Variants in LRRC3B observed in about 807,000 individuals in gnomAD.
LRRC3B encodes leucine rich repeat containing 3B.
Under a neutral mutation model 12.8 loss-of-function variants are expected in LRRC3B, and 2 were observed. That is an observed-to-expected ratio of 0.16 (90% confidence interval 0.06 to 0.49). The LOEUF is 0.49. Ranked by LOEUF, LRRC3B falls within the 20% of genes least tolerant of loss-of-function variation. The pLI is 0.96. For missense variants in LRRC3B, 189 were observed against 319.4 expected, an observed-to-expected ratio of 0.59 and a Z score of 3.11; for synonymous variants, 132 against 122.0, an observed-to-expected ratio of 1.08 and a Z score of -0.54.
intron 1 of LRRC3B, among the ~76,000 whole-genome samples, chr3:26,688,232 G>A (rs575046607): frequency 3.5e-4 from 54 of 152,246 alleles, no homozygotes; most frequent in Middle Eastern, 6.8e-3. Flanking sequence ...TATTTTTCTG[G>A]TCAGCAGAAA....
rs140373723 is a variant in LRRC3B at position 26,668,384 on chromosome 3, A to G, written c.-160-41129A>G. The stretch of plus-strand genomic sequence containing the variant: ...GATTTGGGGGCCATGAAATTGCCCA[A>G]TGGGACAATGGGGGATCCATTGAAG... On this transcript the variant is annotated intron_variant, in intron 1 of 1. Transcript: ENST00000396641. 9.6e-3 allele frequency among the ~76,000 whole-genome samples: 1,469 copies of G among 152,256 alleles called. 26 individuals carry two copies. Among genetic ancestry groups the G allele is most frequent in the South Asian group, 0.034 (163 of 4,824 alleles).
intron 1 of LRRC3B, among the ~76,000 whole-genome samples, chr3:26,669,506 G>A (rs143289439): frequency 6.6e-6 from 1 of 152,112 alleles, no homozygotes; most frequent in African/African-American, 2.4e-5. Context: ...ATAAGGAGAT[G>A]AATATTACCT....
intron 1 of LRRC3B, among the ~76,000 whole-genome samples, chr3:26,656,069 A>G (rs918245332): frequency 6.6e-6 from 1 of 152,042 alleles, no homozygotes; most frequent in African/African-American, 2.4e-5. Context: ...TGTTCAGCTT[A>G]TTTTAGCTCA....
intron 1 of LRRC3B, among the ~76,000 whole-genome samples, chr3:26,636,362 C>A (rs1698870901): frequency 6.6e-6 from 1 of 152,134 alleles, no homozygotes; most frequent in Non-Finnish European, 1.5e-5. Flanking sequence ...AGGATGCTTT[C>A]TTGTTGCTCT....
Position 26,691,111 on chromosome 3 carries a change from A to G in LRRC3B, c.-160-18402A>G, listed in dbSNP as rs866252420. Among the ~76,000 whole-genome samples, 21 of 138,274 alleles carry G rather than the reference A, an allele frequency of 1.5e-4. No individual in the cohort carries two copies. In the South Asian group the frequency reaches 1.9e-3, roughly 12 times the overall value. 90.7% of individuals were successfully genotyped at this position (138,274 alleles called of 152,430 possible). A position where few individuals can be genotyped will look rare whatever the true frequency, so the allele number is the denominator to read the frequency against. On this transcript the variant is annotated intron_variant, in intron 1 of 1. Coordinates refer to ENST00000396641, the Ensembl canonical transcript of LRRC3B. ...TGTATATGTGTGTGTGTGTGTATAT[A>G]TATATATATATATATATATATATGA...
chr3:26,710,734 T>C (rs1459403846), exon 2 of LRRC3B: 1 of 252,774 alleles, frequency 4.0e-6, no homozygotes, highest in Non-Finnish European at 8.1e-6. Context: ...TTTATTTTTT[T>C]AATTTAAAAG....
chr3:26,664,399 T>G lies in LRRC3B; in HGVS notation c.-161+41162T>G, dbSNP rs570258937. ...CGACTACTGCTACTACCCCTAGTTTTCTAGGGGCAGAGAAAGTCCTATTTA... is the reference window on the plus strand; with the variant it reads ...CGACTACTGCTACTACCCCTAGTTTGCTAGGGGCAGAGAAAGTCCTATTTA... On this transcript the variant is annotated intron_variant, in intron 1 of 1. Coordinates refer to ENST00000396641, the Ensembl canonical transcript of LRRC3B. Among the ~76,000 whole-genome samples the G allele has an allele frequency of 2.0e-3, 298 of 152,252 alleles. 1 individual carries two copies. The highest frequency in any genetic ancestry group is 3.3e-3 in the South Asian group (16 of 4,824).
chr3:26,673,397 A>C (rs1422747063), intron 1 of LRRC3B, among the ~76,000 whole-genome samples: 1 of 152,128 alleles, frequency 6.6e-6, no homozygotes, highest in Admixed American at 6.5e-5. Flanking sequence ...AGATGGGGAG[A>C]AAAAAATAGC....
At chr3:26,686,641 A>T (rs1700094680) in intron 1 of LRRC3B, among the ~76,000 whole-genome samples, 1 of 152,222 alleles carries the variant, frequency 6.6e-6, no homozygotes, top group Non-Finnish European at 1.5e-5. Context: ...AAAAAGCCAG[A>T]GTGTGCAAAG....
intron 1 of LRRC3B, among the ~76,000 whole-genome samples, chr3:26,629,270 T>C (rs1188362868): frequency 7.0e-6 from 1 of 143,476 alleles, no homozygotes; most frequent in Non-Finnish European, 1.5e-5. Flanking sequence ...CTTTCTTCCC[T>C]TCTTCCTTCC....
intron 1 of LRRC3B, among the ~76,000 whole-genome samples, chr3:26,632,402 A>G (rs1480602956): frequency 1.3e-5 from 2 of 152,194 alleles, no homozygotes; most frequent in Non-Finnish European, 2.9e-5. Flanking sequence ...ATGCAAACCT[A>G]TCTCAAAGTT....
At chr3:26,698,814 T>C (rs1198248511) in intron 1 of LRRC3B, among the ~76,000 whole-genome samples, 1 of 152,184 alleles carries the variant, frequency 6.6e-6, no homozygotes, top group African/African-American at 2.4e-5. Context: ...TAAGAACAAC[T>C]ACCTCCATTC....
At chr3:26,684,892 A>ATTCT (rs1700041765) in intron 1 of LRRC3B, among the ~76,000 whole-genome samples, 2 of 152,194 alleles carry the variant, frequency 1.3e-5, no homozygotes, top group African/African-American at 4.8e-5. Flanking sequence ...CTGTTACTCC[A>ATTCT]TTCTCACATA....
At chr3:26,673,595 T>A (rs1448500073) in intron 1 of LRRC3B, among the ~76,000 whole-genome samples, 1 of 152,186 alleles carries the variant, frequency 6.6e-6, no homozygotes, top group Non-Finnish European at 1.5e-5. Context: ...GAAGAGAATA[T>A]TCCAGTGGTT....
At chr3:26,676,296 A>G (rs1386314506) in intron 1 of LRRC3B, among the ~76,000 whole-genome samples, 4 of 126,706 alleles carry the variant, frequency 3.2e-5, no homozygotes, top group Non-Finnish European at 1.5e-5. Flanking sequence ...ATGTGTTCTC[A>G]TTGTTCAATT....
intron 1 of LRRC3B, among the ~76,000 whole-genome samples, chr3:26,662,324 G>C (rs1459546495): frequency 6.6e-6 from 1 of 152,042 alleles, no homozygotes; most frequent in African/African-American, 2.4e-5. Flanking sequence ...TTGTTTGCTA[G>C]GACTGATATT....
At chr3:26,644,261 T>C (rs562477749) in intron 1 of LRRC3B, among the ~76,000 whole-genome samples, 1 of 152,344 alleles carries the variant, frequency 6.6e-6, no homozygotes, top group East Asian at 1.9e-4. Flanking sequence ...CTAACTTAAT[T>C]GTGTTGATGA....
At chr3:26,671,813 A>C (rs991464483) in intron 1 of LRRC3B, among the ~76,000 whole-genome samples, 2 of 152,172 alleles carry the variant, frequency 1.3e-5, no homozygotes, top group African/African-American at 4.8e-5. Context: ...CCAGAACCAC[A>C]CTTTGGGCCT....
At chr3:26,665,331 A>G (rs1252530802) in intron 1 of LRRC3B, among the ~76,000 whole-genome samples, 2 of 152,142 alleles carry the variant, frequency 1.3e-5, no homozygotes, top group Non-Finnish European at 1.5e-5. Flanking sequence ...TGCTTGATTG[A>G]AAAATCACAT....
Sources: allele counts gnomAD v4.1 joint callset (sites outside exome capture counted in the v4.1 genomes callset), GRCh38; gene constraint gnomAD v4.1.1; transcripts MANE v1.5; gene names NCBI Gene and HGNC (gene_info 2026-07-23, HGNC 2026-07-21).